RIF1: variants seen among roughly 807,000 people sequenced by gnomAD.
The protein encoded by RIF1 is telomere-associated protein RIF1.
RIF1 carries 45 observed loss-of-function variants against 247.1 expected under a neutral mutation model. That is an observed-to-expected ratio of 0.18 (90% confidence interval 0.14 to 0.23). The LOEUF is 0.23. Among genes scored for constraint, RIF1 ranks in the 10% least tolerant of loss-of-function variants. RIF1 has a pLI of 1.00. For missense variants in RIF1, 2,967 were observed against 2,862.5 expected (o/e 1.04, Z -0.83); for synonymous variants, 1,087 against 978.8 (o/e 1.11, Z -2.06).
In RIF1 at chr2:151,463,803, C is replaced by T. The variant is rs143098880; in HGVS notation, c.4283C>T (p.Thr1428Ile). The T allele has an allele frequency of 9.6e-5, 154 of 1,612,326 alleles. 1 individual carries two copies. In the East Asian group the frequency reaches 3.4e-3, roughly 36 times the overall value. ...SRRRSEVVESTTESQDKENSH... is the reference protein window; with the variant it reads ...SRRRSEVVESITESQDKENSH... ...CGACGTTCAGAAGTAGTAGAGTCTA[C>T]CACTGAAAGCCAAGATAAGGAAAAT... Residue 1428 changes from threonine (T) to isoleucine (I), a missense_variant, in exon 30 of 36, where the codon ACC (threonine) becomes ATC (isoleucine). Physicochemically the swap from Thr to Ile is moderately conservative, Grantham distance 89 (BLOSUM62 -1). Coordinates refer to ENST00000444746, the MANE Select transcript of RIF1 (RefSeq NM_018151.5).
intron 21 of RIF1, among the ~76,000 whole-genome samples, chr2:151,454,222 T>A (rs1694823334): frequency 6.6e-6 from 1 of 152,200 alleles, no homozygotes; most frequent in African/African-American, 2.4e-5. Context: ...ATGGATTGAT[T>A]GAGAGAAACA....
the RIF1 span, among the ~76,000 whole-genome samples, chr2:151,521,205 T>C: frequency 6.6e-6 from 1 of 152,116 alleles, no homozygotes; most frequent in Non-Finnish European, 1.5e-5. Context: ...AAAATAACAA[T>C]GAAATCTGCC....
chr2:151,463,607 G>C lies in RIF1; in HGVS notation c.4087G>C (p.Glu1363Gln). 1 of 1,613,670 alleles carries C rather than the reference G, an allele frequency of 6.2e-7. No homozygotes were observed. The highest frequency in any genetic ancestry group is 8.5e-7 in the Non-Finnish European group (1 of 1,179,868). The change falls in exon 30 of 36, where the codon GAA becomes CAA. Residue 1363 changes from glutamate to glutamine, a missense_variant. Coordinates refer to ENST00000444746, the MANE Select transcript of RIF1 (RefSeq NM_018151.5). ...TACAAAGCTTAAAGCAGCAACAGTG[G>C]AAAATGCTGTATTATTGGAAACTAA... ...DNTKLKAATV[E>Q]NAVLLETNTV...
At chr2:151,454,590 G>A (rs1448491719) in intron 21 of RIF1, among the ~76,000 whole-genome samples, 1 of 152,044 alleles carries the variant, frequency 6.6e-6, no homozygotes, top group Non-Finnish European at 1.5e-5. Flanking sequence ...TTTATGAAAT[G>A]TAAAATTAAA....
rs759730721 is a variant in RIF1, at chr2:151,458,806, T to A, written c.2856-5T>A. ...AAGGTATATATTTTATGTACTTTTT[T>A]AAAGACCAGTACTAACACAAGCCAA... On this transcript the variant is annotated splice_region_variant and splice_polypyrimidine_tract_variant and intron_variant, in intron 24 of 35. Coordinates refer to ENST00000444746, the MANE Select transcript of RIF1 (RefSeq NM_018151.5). 5.7e-6 allele frequency: 9 copies of A among 1,578,998 alleles called. No homozygotes were observed. Among genetic ancestry groups the A allele is most frequent in the Admixed American group, 1.7e-5 (1 of 57,386 alleles).
chr2:151,437,416 C>A, intron 13 of RIF1, 65 bp downstream of exon 13: 2 of 1,176,204 alleles, frequency 1.7e-6, no homozygotes, highest in Non-Finnish European at 2.5e-6. Flanking sequence ...ATAGGCCAGT[C>A]ACAGTACCTC....
chr2:151,449,113 T>C (rs1410087518), intron 20 of RIF1, among the ~76,000 whole-genome samples: 1 of 152,250 alleles, frequency 6.6e-6, no homozygotes, highest in Non-Finnish European at 1.5e-5. Flanking sequence ...TAAGCTGTTT[T>C]TTAACATTAT....
chr2:151,448,390 T>C (rs1402280268), intron 20 of RIF1, among the ~76,000 whole-genome samples: 1 of 152,080 alleles, frequency 6.6e-6, no homozygotes, highest in Non-Finnish European at 1.5e-5. Context: ...ACAAAGCAAA[T>C]TCCCCCTCAC....
chr2:151,476,607 C>T lies in RIF1; in HGVS notation c.*1536C>T, dbSNP rs1194495246. ...TCTTTTTTCATCATCATAAATTCATCATAATCACAGATATTTTTGGGTCTA... is the reference window on the plus strand; with the variant it reads ...TCTTTTTTCATCATCATAAATTCATTATAATCACAGATATTTTTGGGTCTA... On this transcript the variant is annotated 3_prime_UTR_variant, in exon 36 of 36. Coordinates refer to ENST00000444746, the MANE Select transcript of RIF1 (RefSeq NM_018151.5). 6.6e-6 allele frequency: 1 copy of T among 152,146 alleles called. No individual in the cohort carries two copies. The highest frequency in any genetic ancestry group is 1.5e-5 in the Non-Finnish European group (1 of 68,020). 9.4% of individuals were successfully genotyped at this position (152,146 alleles called of 1,614,324 possible). A position where few individuals can be genotyped will look rare whatever the true frequency, so the allele number is the denominator to read the frequency against.
the RIF1 span, chr2:151,519,709 T>G: frequency 6.2e-7 from 1 of 1,613,464 alleles, no homozygotes; most frequent in Non-Finnish European, 8.5e-7. Context: ...GCTGGCTGTC[T>G]TTTGGATTGT....
intron 1 of RIF1, 124 bp from the exon 2 acceptor site, chr2:151,410,290 C>T: frequency 1.4e-6 from 1 of 726,668 alleles, no homozygotes; most frequent in Non-Finnish European, 2.3e-6. Context: ...GCCTGGGGTG[C>T]AGACGCGGCG....
chr2:151,468,176 A>G (rs1266211473), intron 31 of RIF1, 30 bp downstream of exon 31: 3 of 1,552,172 alleles, frequency 1.9e-6, no homozygotes, highest in Non-Finnish European at 2.6e-6. Flanking sequence ...ATATACATAT[A>G]TGTATACCGA....
chr2:151,483,350 T>C (rs1034738251), downstream of RIF1: 1 of 152,122 alleles, frequency 6.6e-6, no homozygotes, highest in African/African-American at 2.4e-5. Flanking sequence ...GTTAATTTTC[T>C]TGTGATTAAT....
Position 151,471,025 on chromosome 2 carries a change from CT to C in RIF1, c.7095+1170del, listed in dbSNP as rs34599147. On this transcript the variant is annotated intron_variant, in intron 34 of 35. Coordinates refer to ENST00000444746, the MANE Select transcript of RIF1 (RefSeq NM_018151.5). ...TATTCCCCATGATCTAATTTTGAATCTTTTTTTTTATCACCCAGAGAAGAAA... is the reference window on the plus strand; with the variant it reads ...TATTCCCCATGATCTAATTTTGAATCTTTTTTTTATCACCCAGAGAAGAAA... Among the ~76,000 whole-genome samples, 1,016 of 151,186 alleles carry C rather than the reference CT, an allele frequency of 6.7e-3. 10 individuals are homozygous for C. Among genetic ancestry groups the C allele is most frequent in the East Asian group, 0.043 (220 of 5,152 alleles).
chr2:151,455,478 T>G (rs1040730000), intron 22 of RIF1, among the ~76,000 whole-genome samples: 1 of 151,286 alleles, frequency 6.6e-6, no homozygotes, highest in Non-Finnish European at 1.5e-5. Flanking sequence ...GTTTTGCAAT[T>G]AATTATATGG....
At position 151,455,947 on chromosome 2, in the gene RIF1, T is replaced by A. The variant is rs1467824584; in HGVS notation, c.2610-631T>A. On this transcript the variant is annotated intron_variant, in intron 22 of 35. Coordinates refer to ENST00000444746, the MANE Select transcript of RIF1 (RefSeq NM_018151.5). ...TGTTCTCCCTCATAACAATTGAACA[T>A]TATTTATACGTAAATCATTGCCCAC... Among the ~76,000 whole-genome samples, 7 of 152,330 alleles carry A rather than the reference T, an allele frequency of 4.6e-5. No homozygotes were observed. In the East Asian group the frequency reaches 7.7e-4, roughly 17 times the overall value.
chr2:151,519,136 A>C, the RIF1 span: 1 of 1,008,992 alleles, frequency 9.9e-7, no homozygotes, highest in Non-Finnish European at 1.6e-6. Context: ...ATGGAAATCA[A>C]AGTGAGATAG....
intron 9 of RIF1, chr2:151,491,407 C>T (rs2056529688): frequency 1.3e-5 from 4 of 304,986 alleles, no homozygotes; most frequent in African/African-American, 2.2e-5. Context: ...ATTATTTCTC[C>T]AATAGAATTA....
chr2:151,505,884 G>C lies in RIF1; in HGVS notation c.*862-326G>C, dbSNP rs3815852. On this transcript the variant is annotated intron_variant and NMD_transcript_variant, in intron 12 of 13. Coordinates refer to the RIF1 transcript ENST00000454583. ...GTCGTTTGACTAGGATAAACAGATTGACATACATATATCCAGGAAGGTTGG... is the reference window on the plus strand; with the variant it reads ...GTCGTTTGACTAGGATAAACAGATTCACATACATATATCCAGGAAGGTTGG... 333,931 of 536,880 alleles carry C rather than the reference G, an allele frequency of 0.62. 107,205 individuals are homozygous for C. Among genetic ancestry groups the C allele is most frequent in the East Asian group, 0.79 (25,087 of 31,592 alleles). The allele number at this position is 536,880 out of a possible 1,614,324, so 33.3% of individuals were successfully genotyped here.
Sources: gnomAD v4.1 joint callset for allele counts (sites outside exome capture counted in the v4.1 genomes callset) on GRCh38, gnomAD v4.1.1 for gene constraint, MANE v1.5 for transcripts, NCBI Gene and HGNC (gene_info 2026-07-23, HGNC 2026-07-21) for gene names.